The following SQOR variants were observed in gnomAD, a reference collection of about 807,000 sequenced individuals.
SQOR encodes sulfide:quinone oxidoreductase, mitochondrial.
In SQOR, 39 loss-of-function variants were observed where a neutral mutation model predicts 48.6. The ratio of observed to expected loss-of-function variants is 0.80; its 90% CI spans 0.62 to 1.05. The LOEUF is 1.05. SQOR is among the 50% of genes least tolerant of loss of function. The pLI, the probability that SQOR is intolerant of heterozygous loss-of-function variation, is 0.00. For synonymous variants in SQOR, 220 were observed against 206.2 expected (o/e 1.07, Z -0.57); for missense variants, 561 against 559.9 (o/e 1.00, Z -0.02).
chr15:45,680,983 T>G (rs960186399), intron 6 of SQOR, among the ~76,000 whole-genome samples: 1 of 151,626 alleles, frequency 6.6e-6, no homozygotes, highest in African/African-American at 2.4e-5. Flanking sequence ...CTGAGACAGG[T>G]GGATTGCTTG....
intron 4 of SQOR, among the ~76,000 whole-genome samples, chr15:45,670,454 G>A (rs1184967224): frequency 6.6e-6 from 1 of 152,188 alleles, no homozygotes; most frequent in African/African-American, 2.4e-5. Flanking sequence ...TGAAGTAACC[G>A]ATGCAATGGA....
rs1895105885 is a variant in SQOR, at chr15:45,641,641, TA to T, written c.-18+6534del. On this transcript the variant is annotated intron_variant, in intron 1 of 9. Transcript: ENST00000260324. ...AGTTCCTGAACACACAAGGCAAGAATAGCACTGCCATTACTCAAGCAGAGGT... is the reference window on the plus strand; with the variant it reads ...AGTTCCTGAACACACAAGGCAAGAATGCACTGCCATTACTCAAGCAGAGGT... Among the ~76,000 whole-genome samples the T allele has an allele frequency of 1.2e-4, 18 of 152,300 alleles. No homozygotes were observed. The South Asian group carries it at 3.1e-3, about 26-fold the overall frequency.
At chr15:45,634,198 CTA>C (rs60889862), upstream of SQOR, among the ~76,000 whole-genome samples, 310 of 43,784 alleles carry the variant, frequency 7.1e-3, 38 homozygotes, top group South Asian at 0.02. Context: ...ACAACAACAA[CTA>C]TATATATATA....
chr15:45,641,873 T>G (rs1201941091), intron 1 of SQOR, among the ~76,000 whole-genome samples: 2 of 152,196 alleles, frequency 1.3e-5, no homozygotes, highest in African/African-American at 4.8e-5. Context: ...TCCTTCTTCT[T>G]TATCCCCTAT....
intron 1 of SQOR, among the ~76,000 whole-genome samples, chr15:45,649,460 C>T (rs1177205362): frequency 6.6e-6 from 1 of 152,026 alleles, no homozygotes; most frequent in Non-Finnish European, 1.5e-5. Flanking sequence ...TTAAATTTAC[C>T]TTATTTATTG....
intron 1 of SQOR, among the ~76,000 whole-genome samples, chr15:45,654,083 C>T (rs1455534797): frequency 6.7e-6 from 1 of 148,498 alleles, no homozygotes; most frequent in Non-Finnish European, 1.5e-5. Flanking sequence ...GATCTCCCCA[C>T]TGTACTCCAG....
At chr15:45,664,996 A>G (rs1384208880) in intron 3 of SQOR, among the ~76,000 whole-genome samples, 1 of 152,134 alleles carries the variant, frequency 6.6e-6, no homozygotes, top group Non-Finnish European at 1.5e-5. Flanking sequence ...TCTCCTGAAC[A>G]CAGGGCCAGG....
At chr15:45,649,708 C>T (rs749772483) in intron 1 of SQOR, among the ~76,000 whole-genome samples, 4 of 152,114 alleles carry the variant, frequency 2.6e-5, no homozygotes, top group Admixed American at 1.3e-4. Context: ...GTCTCAAACT[C>T]CTGGCCTGAG....
chr15:45,654,036 C>G (rs752638550), intron 1 of SQOR, among the ~76,000 whole-genome samples: 5 of 150,912 alleles, frequency 3.3e-5, no homozygotes, highest in Admixed American at 2.0e-4. Flanking sequence ...ATGGGGAAAT[C>G]GCTTGAACTC....
intron 3 of SQOR, among the ~76,000 whole-genome samples, chr15:45,663,207 C>T (rs903767224): frequency 4.6e-5 from 7 of 151,986 alleles, no homozygotes; most frequent in Non-Finnish European, 8.8e-5. Context: ...TTGGTAGTGA[C>T]GGGGTTTTAC....
intron 6 of SQOR, among the ~76,000 whole-genome samples, chr15:45,677,021 A>G (rs1401533947): frequency 6.6e-6 from 1 of 151,072 alleles, no homozygotes; most frequent in African/African-American, 2.4e-5. Context: ...AGCCTGGGTG[A>G]CAGAGTGAGA....
chr15:45,636,756 G>A (rs1469592560), intron 1 of SQOR, among the ~76,000 whole-genome samples: 1 of 152,056 alleles, frequency 6.6e-6, no homozygotes, highest in African/African-American at 2.4e-5. Flanking sequence ...TACTGCTGTG[G>A]TTTGTTGGCT....
Position 45,676,224 on chromosome 15 carries a change from A to G in SQOR, c.778A>G (p.Lys260Glu). 1.2e-6 allele frequency: 2 copies of G among 1,614,162 alleles called. No homozygotes were observed. The highest frequency in any genetic ancestry group is 1.7e-6 in the Non-Finnish European group (2 of 1,180,030). ...IQERNLTVNY[K>E]KNLIEVRADK... ...GGAGCGGAACCTCACTGTTAACTAC[A>G]AGAAAAACCTCATTGAAGTCCGAGC... Residue 260 changes from lysine (K) to glutamate (E), a missense_variant, in exon 6 of 10, where the codon AAG becomes GAG. Transcript: ENST00000260324.
At chr15:45,654,049 G>A (rs375409118) in intron 1 of SQOR, among the ~76,000 whole-genome samples, 1 of 150,474 alleles carries the variant, frequency 6.6e-6, no homozygotes, top group East Asian at 2.0e-4. Flanking sequence ...TTGAACTCAG[G>A]AAGTGGAAGT....
intron 1 of SQOR, among the ~76,000 whole-genome samples, chr15:45,654,401 G>T (rs550495598): frequency 1.4e-4 from 21 of 152,296 alleles, no homozygotes; most frequent in African/African-American, 4.6e-4. Flanking sequence ...GACTGCAAAG[G>T]CCAGGACATT....
chr15:45,687,052 G>C (rs1408635191), intron 7 of SQOR, among the ~76,000 whole-genome samples: 1 of 151,548 alleles, frequency 6.6e-6, no homozygotes, highest in Non-Finnish European at 1.5e-5. Context: ...TGCTCACCTT[G>C]GTCCCCCAAA....
chr15:45,636,563 C>A (rs1222136251), intron 1 of SQOR, among the ~76,000 whole-genome samples: 7 of 151,840 alleles, frequency 4.6e-5, no homozygotes, highest in Non-Finnish European at 7.4e-5. Flanking sequence ...GCCACCACAC[C>A]CAGCTAATTT....
chr15:45,647,295 C>T (rs1889360669), intron 1 of SQOR, among the ~76,000 whole-genome samples: 1 of 151,526 alleles, frequency 6.6e-6, no homozygotes, highest in Admixed American at 6.6e-5. Context: ...CACCTCCCAC[C>T]TCACTCCATG....
intron 1 of SQOR, among the ~76,000 whole-genome samples, chr15:45,643,789 C>G (rs1895147028): frequency 6.6e-6 from 1 of 152,024 alleles, no homozygotes; most frequent in Admixed American, 6.6e-5. Context: ...CTTTTCTGAG[C>G]ACTTCTGGCT....
Sources: allele counts gnomAD v4.1 joint callset (sites outside exome capture counted in the v4.1 genomes callset), GRCh38; gene constraint gnomAD v4.1.1; transcripts MANE v1.5; gene names NCBI Gene and HGNC (gene_info 2026-07-23, HGNC 2026-07-21).